The following HACE1 variants were observed in gnomAD, a reference collection of about 807,000 sequenced individuals.
The protein encoded by HACE1 is E3 ubiquitin-protein ligase HACE1.
HACE1 carries 73 observed loss-of-function variants against 118.4 expected under a neutral mutation model. The ratio of observed to expected loss-of-function variants is 0.62; its 90% CI spans 0.51 to 0.75. The LOEUF (loss-of-function observed/expected upper bound fraction) is 0.75, where lower values mean the gene tolerates loss of function less well. Ranked by LOEUF, HACE1 falls within the 30% of genes least tolerant of loss-of-function variation. HACE1 has a pLI of 0.00. For synonymous variants in HACE1, 368 were observed against 374.8 expected (o/e 0.98, Z 0.21); for missense variants, 749 against 1,102.2 (o/e 0.68, Z 4.54).
Position 104,795,607 on chromosome 6 carries a change from C to G in HACE1, c.895G>C (p.Ala299Pro), listed in dbSNP as rs1232830643. Reference protein sequence around the residue: ...LKILTSLAEVATTNGHKLLSL... With the variant: ...LKILTSLAEVPTTNGHKLLSL... ...AGCAGTTTATGACCATTTGTTGTAG[C>G]AACTTCAGCAAGGCTTGTTAGAATC... is the stretch of plus-strand genomic sequence containing the variant. The change falls in exon 10 of 24, where the codon GCT (alanine) becomes CCT (proline). Residue 299 changes from alanine (A) to proline (P), a missense_variant. Physicochemically the swap from Ala to Pro is conservative, Grantham distance 27. Transcript: ENST00000262903. 1 of 1,609,746 alleles carries G rather than the reference C, an allele frequency of 6.2e-7. No individual in the cohort carries two copies. The highest frequency in any genetic ancestry group is 1.3e-5 in the African/African-American group (1 of 74,834).
chr6:104,852,579 C>G (rs779461738), intron 1 of HACE1, among the ~76,000 whole-genome samples: 4 of 152,146 alleles, frequency 2.6e-5, no homozygotes, highest in Non-Finnish European at 4.4e-5. Context: ...CCTTTTACAT[C>G]ATTACAAAAG....
At chr6:104,803,666 C>T (rs141091439) in intron 7 of HACE1, among the ~76,000 whole-genome samples, 2 of 152,080 alleles carry the variant, frequency 1.3e-5, no homozygotes, top group Non-Finnish European at 2.9e-5. Flanking sequence ...ATTCAACAGC[C>T]CTTCATGCTA....
chr6:104,739,899 T>C (rs374031353), intron 22 of HACE1, among the ~76,000 whole-genome samples: 22 of 152,082 alleles, frequency 1.4e-4, no homozygotes, highest in African/African-American at 5.3e-4. Flanking sequence ...TATTCCAAAA[T>C]TGACCACATA....
chr6:104,748,658 A>G (rs1348039602), intron 20 of HACE1, among the ~76,000 whole-genome samples: 6 of 152,208 alleles, frequency 3.9e-5, no homozygotes, highest in Non-Finnish European at 8.8e-5. Context: ...CCTGAAACTG[A>G]AAAGTACCCA....
chr6:104,859,136 A>G lies in HACE1; in HGVS notation c.76+431T>C, dbSNP rs556588803. Among the ~76,000 whole-genome samples the G allele has an allele frequency of 1.3e-3, 195 of 152,334 alleles. 2 individuals carry two copies. The highest frequency in any genetic ancestry group is 4.0e-3 in the Admixed American group (61 of 15,300). ...CCCCACATTTTAAAAAATAACAAAAATAAAAGCCCGCCTGGCCCCCCGATG... is the reference window on the plus strand; with the variant it reads ...CCCCACATTTTAAAAAATAACAAAAGTAAAAGCCCGCCTGGCCCCCCGATG... On this transcript the variant is annotated intron_variant, in intron 1 of 23. Coordinates refer to ENST00000262903, the MANE Select transcript of HACE1 (RefSeq NM_020771.4).
intron 7 of HACE1, among the ~76,000 whole-genome samples, 165 bp downstream of exon 7, chr6:104,811,146 T>C (rs1771550360): frequency 6.6e-6 from 1 of 150,962 alleles, no homozygotes; most frequent in Admixed American, 6.6e-5. Context: ...GACAGCATAT[T>C]TGTGGGAAAA....
Position 104,729,293 on chromosome 6 carries a change from T to C in HACE1, c.*369A>G, listed in dbSNP as rs1774955247. ...ACCAGCTGGATGACCTCATATAATA[T>C]ATCAGAAATTAGGAGAAAACACCCT... On this transcript the variant is annotated 3_prime_UTR_variant, in exon 24 of 24. Coordinates refer to ENST00000262903, the MANE Select transcript of HACE1 (RefSeq NM_020771.4). The C allele has an allele frequency of 4.2e-6, 1 of 240,500 alleles. No homozygotes were observed. Among genetic ancestry groups the C allele is most frequent in the South Asian group, 5.4e-5 (1 of 18,458 alleles). 14.9% of individuals were successfully genotyped at this position (240,500 alleles called of 1,614,324 possible).
chr6:104,730,162 A>G, intron 23 of HACE1, 141 bp downstream of exon 23: 1 of 676,182 alleles, frequency 1.5e-6, no homozygotes, highest in South Asian at 1.6e-5. Context: ...AAACTACATA[A>G]TTACTCATCA....
At position 104,850,888 on chromosome 6, in the gene HACE1, A is replaced by C; in HGVS notation, c.221+19T>G. 1 of 1,464,518 alleles carries C rather than the reference A, an allele frequency of 6.8e-7. No individual in the cohort carries two copies. The highest frequency in any genetic ancestry group is 9.6e-7 in the Non-Finnish European group (1 of 1,043,450). The allele number at this position is 1,464,518 out of a possible 1,614,324, so 90.7% of individuals were successfully genotyped here. On this transcript the variant is annotated intron_variant, in intron 3 of 23. Transcript: ENST00000262903. ...CTTGCCCTAGATCAGAGTTTAACTC[A>C]AAATATCTTTAGTCTTACTTTGCTG... is the stretch of plus-strand genomic sequence containing the variant.
At chr6:104,780,667 G>A (rs528174711) in intron 14 of HACE1, among the ~76,000 whole-genome samples, 1 of 152,036 alleles carries the variant, frequency 6.6e-6, no homozygotes, top group African/African-American at 2.4e-5. Flanking sequence ...CTACAAACAA[G>A]GGAATTTTCC....
chr6:104,784,531 G>T, intron 12 of HACE1, 46 bp from the exon 13 acceptor site: 3 of 1,285,794 alleles, frequency 2.3e-6, no homozygotes, highest in Non-Finnish European at 3.4e-6. Context: ...AAAAGTTTGT[G>T]ATATAATATA....
chr6:104,842,851 C>T (rs1374325446), intron 5 of HACE1, among the ~76,000 whole-genome samples: 1 of 152,208 alleles, frequency 6.6e-6, no homozygotes, highest in Middle Eastern at 3.2e-3. Flanking sequence ...GTGGCTCACG[C>T]CTATAATCCC....
At chr6:104,776,676 T>C (rs1781255129) in intron 17 of HACE1, 65 bp downstream of exon 17, 2 of 940,312 alleles carry the variant, frequency 2.1e-6, no homozygotes, top group Admixed American at 3.4e-5. Context: ...AAAAATAAAA[T>C]GTACTGAAAT....
intron 1 of HACE1, among the ~76,000 whole-genome samples, chr6:104,854,787 A>G (rs1365711674): frequency 6.6e-6 from 1 of 152,180 alleles, no homozygotes; most frequent in Admixed American, 6.5e-5. Context: ...AAACTGAGCT[A>G]TTTATAGGGG....
At chr6:104,854,110 T>C (rs1416338566) in intron 1 of HACE1, among the ~76,000 whole-genome samples, 4 of 152,184 alleles carry the variant, frequency 2.6e-5, no homozygotes, top group African/African-American at 7.2e-5. Flanking sequence ...CAAAAATGCA[T>C]AACTTCAATC....
At chr6:104,756,620 C>T (rs899589953) in intron 19 of HACE1, among the ~76,000 whole-genome samples, 3 of 151,996 alleles carry the variant, frequency 2.0e-5, no homozygotes, top group Non-Finnish European at 4.4e-5. Context: ...CAGCTCCCAG[C>T]GAGACTGACA....
At chr6:104,831,984 A>AGAAGAGAAGAG (rs201781305) in intron 6 of HACE1, among the ~76,000 whole-genome samples, 1,498 of 56,572 alleles carry the variant, frequency 0.026, 9 homozygotes, top group Middle Eastern at 0.038. Flanking sequence ...AGAAGAGAGG[A>AGAAGAGAAGAG]AGGAAGGAAG....
chr6:104,774,171 G>C (rs1445445391), intron 17 of HACE1, among the ~76,000 whole-genome samples: 1 of 92,296 alleles, frequency 1.1e-5, no homozygotes, highest in Non-Finnish European at 2.0e-5. Context: ...CTCACTGCAA[G>C]CTCCGCCTCC....
At position 104,783,938 on chromosome 6, in the gene HACE1, G is replaced by A. The variant is rs908705738; in HGVS notation, c.1566+148C>T. 4.7e-6 allele frequency: 3 copies of A among 644,142 alleles called. No homozygotes were observed. In the African/African-American group the frequency reaches 5.5e-5, roughly 12 times the overall value. 39.9% of individuals were successfully genotyped at this position (644,142 alleles called of 1,614,324 possible). On this transcript the variant is annotated intron_variant, in intron 14 of 23. Coordinates refer to ENST00000262903, the MANE Select transcript of HACE1 (RefSeq NM_020771.4). Reference sequence around the variant, plus strand: ...AGGCACTCAGTACATATTTCTTGAAGAAAACTTACTCCTCATATTAAAGTA... The same window carrying A: ...AGGCACTCAGTACATATTTCTTGAAAAAAACTTACTCCTCATATTAAAGTA...
Sources: allele counts gnomAD v4.1 joint callset (sites outside exome capture counted in the v4.1 genomes callset), GRCh38; gene constraint gnomAD v4.1.1; transcripts MANE v1.5; gene names NCBI Gene and HGNC (gene_info 2026-07-23, HGNC 2026-07-21).